The following PMPCB variants were observed in gnomAD, a reference collection of about 807,000 sequenced individuals.
The protein encoded by PMPCB is peptidase, mitochondrial processing subunit beta, also known as mitochondrial-processing peptidase subunit beta.
In PMPCB, 46 loss-of-function variants were observed where a neutral mutation model predicts 61.5. The observed-to-expected ratio is 0.75, with a 90% CI of 0.59 to 0.96. PMPCB has a LOEUF of 0.96. Ranked by LOEUF, PMPCB falls within the 40% of genes least tolerant of loss-of-function variation. PMPCB has a pLI of 0.00. For missense variants in PMPCB, 590 were observed against 602.4 expected, an observed-to-expected ratio of 0.98 and a Z score of 0.22; for synonymous variants, 191 against 201.6, an observed-to-expected ratio of 0.95 and a Z score of 0.44.
At position 103,314,405 on chromosome 7, in the gene PMPCB, G is replaced by A; in HGVS notation, c.*2134G>A. 1 of 985,386 alleles carries A rather than the reference G, an allele frequency of 1.0e-6. No homozygotes were observed. The highest frequency in any genetic ancestry group is 1.2e-6 in the Non-Finnish European group (1 of 829,930). 61.0% of individuals were successfully genotyped at this position (985,386 alleles called of 1,614,324 possible). Reference sequence around the variant, plus strand: ...TCCCATTTCCATAAAAGAGGCAAAGGAGTCATACCCACATAGCACTACTGC... The same window carrying A: ...TCCCATTTCCATAAAAGAGGCAAAGAAGTCATACCCACATAGCACTACTGC... On this transcript the variant is annotated 3_prime_UTR_variant, in exon 13 of 13. Transcript: ENST00000249269.
At chr7:103,345,182 TAGC>T in the PMPCB span, 319 of 160,550 alleles carry the variant, frequency 2.0e-3, 4 homozygotes, top group Middle Eastern at 6.0e-3. Flanking sequence ...ATGATGATAA[TAGC>T]AGCTAATATT....
chr7:103,321,599 G>C (rs926491879), intron 12 of PMPCB, among the ~76,000 whole-genome samples: 5 of 151,780 alleles, frequency 3.3e-5, no homozygotes, highest in Admixed American at 6.6e-5. Flanking sequence ...TGTAGTCCCA[G>C]CACTTTGGGA....
chr7:103,304,079 A>G, intron 5 of PMPCB, 39 bp downstream of exon 5: 2 of 1,369,990 alleles, frequency 1.5e-6, no homozygotes, highest in Non-Finnish European at 2.0e-6. Flanking sequence ...AAGGGAATTT[A>G]TGAATGTTGA....
At chr7:103,309,230 T>C (rs913072199) in intron 8 of PMPCB, 135 bp downstream of exon 8, 3 of 663,570 alleles carry the variant, frequency 4.5e-6, no homozygotes, top group South Asian at 4.3e-5. Flanking sequence ...CTTAAAAATA[T>C]AAACTGATCC....
At chr7:103,319,732 T>A in intron 12 of PMPCB, 1 of 1,614,092 alleles carries the variant, frequency 6.2e-7, no homozygotes, top group Non-Finnish European at 8.5e-7. Context: ...AGTGAAGACT[T>A]CAATAGCAGT....
Position 103,314,652 on chromosome 7 carries a change from C to T in PMPCB, c.*2381C>T. The T allele has an allele frequency of 1.8e-5, 18 of 985,286 alleles. No individual in the cohort carries two copies. The highest frequency in any genetic ancestry group is 2.2e-5 in the Non-Finnish European group (18 of 829,846). The allele number at this position is 985,286 out of a possible 1,614,324, so 61.0% of individuals were successfully genotyped here. A position where few individuals can be genotyped will look rare whatever the true frequency, so the allele number is the denominator to read the frequency against. On this transcript the variant is annotated 3_prime_UTR_variant, in exon 13 of 13. Coordinates refer to ENST00000249269, the MANE Select transcript of PMPCB (RefSeq NM_004279.3). ...TTCTGAAACCCTGCCTTGTTACTTA[C>T]CTTTATTAAAAGAACCGAAATAATG... is the stretch of plus-strand genomic sequence containing the variant.
Position 103,311,963 on chromosome 7 carries a change from G to A in PMPCB, c.1329+67G>A, listed in dbSNP as rs140300009. On this transcript the variant is annotated intron_variant, in intron 11 of 12. Coordinates refer to ENST00000249269, the MANE Select transcript of PMPCB (RefSeq NM_004279.3). ...TCCTTGTTACAAAAGCTGAGAATATGTATCTTTCATCTTGCTTTAGTTTTA... is the reference window on the plus strand; with the variant it reads ...TCCTTGTTACAAAAGCTGAGAATATATATCTTTCATCTTGCTTTAGTTTTA... 2.3e-3 allele frequency: 3,488 copies of A among 1,518,136 alleles called. 82 individuals carry two copies. Among genetic ancestry groups the A allele is most frequent in the Non-Finnish European group, 1.7e-4 (186 of 1,106,568 alleles). 94.0% of individuals were successfully genotyped at this position (1,518,136 alleles called of 1,614,324 possible).
At chr7:103,320,334 C>T (rs1429385655) in intron 12 of PMPCB, among the ~76,000 whole-genome samples, 3 of 151,946 alleles carry the variant, frequency 2.0e-5, no homozygotes, top group Admixed American at 1.3e-4. Context: ...GTGATCCACC[C>T]GCCTCAGCCT....
downstream of PMPCB, chr7:103,316,766 A>T: frequency 1.5e-6 from 2 of 1,317,380 alleles, no homozygotes; most frequent in African/African-American, 1.5e-5. Context: ...TGCTATTTGG[A>T]GTCTGTCTAC....
chr7:103,336,478 G>C, the PMPCB span: 1 of 152,320 alleles, frequency 6.6e-6, no homozygotes, highest in South Asian at 2.1e-4. Flanking sequence ...CAAGTAGCTG[G>C]GAATACAGGT....
chr7:103,339,767 C>T, the PMPCB span, among the ~76,000 whole-genome samples: 4 of 151,548 alleles, frequency 2.6e-5, no homozygotes, highest in Admixed American at 6.6e-5. Context: ...ATGCCCGGTC[C>T]AGTGTTTTTT....
At chr7:103,317,054 G>A, downstream of PMPCB, 1 of 1,539,448 alleles carries the variant, frequency 6.5e-7, no homozygotes, top group Non-Finnish European at 8.9e-7. Context: ...GAAGTATACT[G>A]TATTGCTATT....
intron 7 of PMPCB, among the ~76,000 whole-genome samples, chr7:103,308,055 C>A (rs1355205580): frequency 1.3e-5 from 2 of 152,052 alleles, no homozygotes; most frequent in Admixed American, 1.3e-4. Flanking sequence ...TCTTTTAAAC[C>A]CCGTATTTTG....
the PMPCB span, among the ~76,000 whole-genome samples, chr7:103,347,104 C>A: frequency 6.6e-6 from 1 of 152,206 alleles, no homozygotes; most frequent in African/African-American, 2.4e-5. Flanking sequence ...ACCATTTTAT[C>A]ATTTTACATT....
downstream of PMPCB, among the ~76,000 whole-genome samples, chr7:103,332,694 A>T (rs905691349): frequency 1.3e-4 from 19 of 151,720 alleles, no homozygotes; most frequent in Admixed American, 3.3e-4. Flanking sequence ...CAGTGGTGTG[A>T]TCACGGCTCA....
chr7:103,342,709 A>G, the PMPCB span, among the ~76,000 whole-genome samples: 1 of 151,712 alleles, frequency 6.6e-6, no homozygotes, highest in African/African-American at 2.4e-5. Flanking sequence ...CCCGGGTTCA[A>G]GCGATTCTCC....
At position 103,314,036 on chromosome 7, in the gene PMPCB, A is replaced by G; in HGVS notation, c.*1765A>G. 5 of 985,424 alleles carry G rather than the reference A, an allele frequency of 5.1e-6. No homozygotes were observed. Among genetic ancestry groups the G allele is most frequent in the South Asian group, 9.4e-5 (2 of 21,286 alleles). The allele number at this position is 985,424 out of a possible 1,614,324, so 61.0% of individuals were successfully genotyped here. On this transcript the variant is annotated 3_prime_UTR_variant, in exon 13 of 13. Transcript: ENST00000249269. ...CAATTAAAGAAGGAAAAACAAAACAAAACAAAACAAAACCACCACCTATTC... is the reference window on the plus strand; with the variant it reads ...CAATTAAAGAAGGAAAAACAAAACAGAACAAAACAAAACCACCACCTATTC...
At chr7:103,320,830 CTTTTTTT>C (rs745754898) in intron 12 of PMPCB, 19 of 113,760 alleles carry the variant, frequency 1.7e-4, no homozygotes, top group East Asian at 2.7e-4. Context: ...CTCAGCATGT[CTTTTTTT>C]TTTTTTTTTT....
At chr7:103,300,390 G>T (rs1161001117) in intron 4 of PMPCB, 83 bp downstream of exon 4, 10 of 1,073,038 alleles carry the variant, frequency 9.3e-6, no homozygotes, top group Non-Finnish European at 1.3e-5. Flanking sequence ...TATGTCTGTT[G>T]TAAAAGAGTA....
Sources: allele counts gnomAD v4.1 joint callset (sites outside exome capture counted in the v4.1 genomes callset), GRCh38; gene constraint gnomAD v4.1.1; transcripts MANE v1.5; gene names NCBI Gene and HGNC (gene_info 2026-07-23, HGNC 2026-07-21).